Variants in ATRNL1 observed in about 807,000 individuals in gnomAD.
The protein encoded by ATRNL1 is attractin-like protein 1.
Under a neutral mutation model 182.7 loss-of-function variants are expected in ATRNL1, and 95 were observed. The ratio of observed to expected loss-of-function variants is 0.52; its 90% CI spans 0.44 to 0.62. The LOEUF is 0.62. ATRNL1 is among the 20% of genes least tolerant of loss of function. The probability of loss-of-function intolerance (pLI) is 0.00; values close to 1 mark genes in which losing one functional copy is unlikely to be tolerated. For synonymous variants in ATRNL1, 576 were observed against 568.3 expected (o/e 1.01, Z -0.19); for missense variants, 1,471 against 1,679.5 (o/e 0.88, Z 2.17).
At chr10:115,922,865 A>G (rs1953108180) in intron 28 of ATRNL1, among the ~76,000 whole-genome samples, 1 of 152,226 alleles carries the variant, frequency 6.6e-6, no homozygotes, top group Non-Finnish European at 1.5e-5. Flanking sequence ...TATAGAAACA[A>G]AGACCCAGTG....
At chr10:115,200,226 GTTTT>G in intron 8 of ATRNL1, among the ~76,000 whole-genome samples, 1 of 143,442 alleles carries the variant, frequency 7.0e-6, no homozygotes, top group South Asian at 2.2e-4. Flanking sequence ...TACTTGTTTA[GTTTT>G]TTTTTTTTAA....
In ATRNL1 at chr10:115,668,403, AT is replaced by A. The variant is rs200524619; in HGVS notation, c.3796-58838del. Among the ~76,000 whole-genome samples the A allele has an allele frequency of 9.2e-3, 1,400 of 152,170 alleles. 8 individuals carry two copies. The highest frequency in any genetic ancestry group is 0.038 in the South Asian group (184 of 4,828). ...TGAAATTGTTCACAATATTCTATTA[AT>A]TTTTTTGTAGCAATCATAAAGCATT... On this transcript the variant is annotated intron_variant, in intron 26 of 28. Coordinates refer to ENST00000355044, the MANE Select transcript of ATRNL1 (RefSeq NM_207303.4).
In ATRNL1 at chr10:115,394,683, A is replaced by G. The variant is rs1554955104; in HGVS notation, c.3200A>G (p.Asn1067Ser). ...CTACTCSGHA[N>S]ICHLHTGKCF... ...GCTTGTACATGCAGTGGCCATGCAA[A>G]TATCTGTCATCTGCACACAGGAAAA... The change falls in exon 20 of 29, where the codon AAT becomes AGT. Residue 1067 changes from asparagine (N) to serine (S), a missense_variant. Asn to Ser is a conservative substitution (Grantham distance 46, BLOSUM62 1). Around this residue, in one of 3 missense-constraint regions of ATRNL1, gnomAD observed 437 missense variants for 506.0 expected, o/e 0.86. Coordinates refer to ENST00000355044, the MANE Select transcript of ATRNL1 (RefSeq NM_207303.4). The G allele has an allele frequency of 3.7e-6, 6 of 1,611,818 alleles. No homozygotes were observed. The highest frequency in any genetic ancestry group is 2.7e-5 in the African/African-American group (2 of 74,796).
chr10:115,149,876 CTTTTTTTT>C (rs57382865), intron 5 of ATRNL1, among the ~76,000 whole-genome samples: 1 of 123,282 alleles, frequency 8.1e-6, no homozygotes. Flanking sequence ...TCTCCTTTTC[CTTTTTTTT>C]TTTTTTTTTG....
chr10:115,265,971 A>G (rs1407727025), intron 11 of ATRNL1, among the ~76,000 whole-genome samples: 1 of 151,840 alleles, frequency 6.6e-6, no homozygotes, highest in Non-Finnish European at 1.5e-5. Flanking sequence ...TATTGCCACA[A>G]AATGACTTAA....
intron 24 of ATRNL1, among the ~76,000 whole-genome samples, chr10:115,472,692 T>C (rs1268772822): frequency 6.6e-6 from 1 of 151,218 alleles, no homozygotes; most frequent in Non-Finnish European, 1.5e-5. Flanking sequence ...TATGTTGGTT[T>C]TGTATCCTGC....
chr10:115,483,248 A>G (rs1347742670), intron 24 of ATRNL1, among the ~76,000 whole-genome samples: 2 of 151,440 alleles, frequency 1.3e-5, no homozygotes, highest in Non-Finnish European at 3.0e-5. Context: ...AATAGTTTAT[A>G]TAATGAAAGA....
chr10:115,298,745 T>C (rs1165135844), intron 15 of ATRNL1, among the ~76,000 whole-genome samples: 1 of 152,146 alleles, frequency 6.6e-6, no homozygotes, highest in African/African-American at 2.4e-5. Context: ...ACTGTGCTGA[T>C]GATGGAAGAT....
intron 27 of ATRNL1, among the ~76,000 whole-genome samples, chr10:115,835,075 T>G (rs1458713843): frequency 6.6e-6 from 1 of 152,104 alleles, no homozygotes; most frequent in Non-Finnish European, 1.5e-5. Flanking sequence ...TTATTATTAT[T>G]ATTAGAGAAA....
At chr10:115,557,621 G>A (rs533011035) in intron 26 of ATRNL1, among the ~76,000 whole-genome samples, 3 of 152,292 alleles carry the variant, frequency 2.0e-5, no homozygotes, top group South Asian at 2.1e-4. Context: ...TTAGTGGACT[G>A]ATGGATGCAA....
chr10:115,700,949 A>G (rs1198781402), intron 26 of ATRNL1, among the ~76,000 whole-genome samples: 1 of 152,090 alleles, frequency 6.6e-6, no homozygotes, highest in Non-Finnish European at 1.5e-5. Flanking sequence ...ATGCTTGACC[A>G]TTTGGACCTA....
At chr10:115,743,171 A>G (rs1026409740) in intron 27 of ATRNL1, among the ~76,000 whole-genome samples, 1 of 151,608 alleles carries the variant, frequency 6.6e-6, no homozygotes, top group East Asian at 1.9e-4. Flanking sequence ...GATTACGGGA[A>G]CTACAATTCA....
intron 27 of ATRNL1, among the ~76,000 whole-genome samples, chr10:115,759,414 G>T (rs1406346768): frequency 6.6e-6 from 1 of 152,068 alleles, no homozygotes; most frequent in East Asian, 1.9e-4. Context: ...CTACCCACTA[G>T]ATGCCAGGAA....
chr10:115,851,942 C>G (rs1034697562), intron 28 of ATRNL1, among the ~76,000 whole-genome samples: 1 of 152,054 alleles, frequency 6.6e-6, no homozygotes, highest in African/African-American at 2.4e-5. Context: ...CCAGTCACCC[C>G]GGACAGCATG....
At position 115,261,700 on chromosome 10, in the gene ATRNL1, A is replaced by C. The variant is rs782263033; in HGVS notation, c.1688-3493A>C. ...AGTATGCTACCTGGCTTATCTGTGAATAATATCACAGATATATACTATCAA... is the reference window on the plus strand; with the variant it reads ...AGTATGCTACCTGGCTTATCTGTGACTAATATCACAGATATATACTATCAA... On this transcript the variant is annotated intron_variant, in intron 10 of 28. Transcript: ENST00000355044. Among the ~76,000 whole-genome samples, 161 of 152,260 alleles carry C rather than the reference A, an allele frequency of 1.1e-3. 3 individuals are homozygous for C. Among genetic ancestry groups the C allele is most frequent in the Non-Finnish European group, 2.9e-4 (20 of 68,008 alleles).
intron 27 of ATRNL1, among the ~76,000 whole-genome samples, chr10:115,829,255 G>A (rs1186956849): frequency 2.0e-5 from 3 of 152,242 alleles, no homozygotes; most frequent in South Asian, 2.1e-4. Context: ...AAAGAAAAGG[G>A]AAATTTATGG....
chr10:115,649,509 G>A (rs1368763579), intron 26 of ATRNL1, among the ~76,000 whole-genome samples: 4 of 152,086 alleles, frequency 2.6e-5, no homozygotes, highest in African/African-American at 9.7e-5. Context: ...GAGCATTTGA[G>A]CCTTCTGTCC....
At chr10:115,099,584 C>T (rs145643301) in intron 1 of ATRNL1, among the ~76,000 whole-genome samples, 2 of 152,280 alleles carry the variant, frequency 1.3e-5, no homozygotes, top group East Asian at 1.9e-4. Context: ...GTTAATTTCA[C>T]ATCCATACCA....
intron 19 of ATRNL1, among the ~76,000 whole-genome samples, chr10:115,368,490 C>T (rs536657189): frequency 2.6e-5 from 4 of 152,302 alleles, no homozygotes; most frequent in South Asian, 2.1e-4. Flanking sequence ...TCTTCTGCGT[C>T]GCTCACGCTG....
Sources: allele counts gnomAD v4.1 joint callset (sites outside exome capture counted in the v4.1 genomes callset), GRCh38; gene constraint gnomAD v4.1.1; regional missense constraint gnomAD v4.1.1; transcripts MANE v1.5; gene names NCBI Gene and HGNC (gene_info 2026-07-23, HGNC 2026-07-21).